PTPRN2: variants seen among roughly 807,000 people sequenced by gnomAD.
PTPRN2 encodes receptor-type tyrosine-protein phosphatase N2.
Under a neutral mutation model 118.8 loss-of-function variants are expected in PTPRN2, and 74 were observed. That is an observed-to-expected ratio of 0.62 (90% CI 0.52 to 0.76). The LOEUF is 0.76. Ranked by LOEUF, PTPRN2 falls within the 30% of genes least tolerant of loss-of-function variation. The pLI, the probability that PTPRN2 is intolerant of heterozygous loss-of-function variation, is 0.00. For synonymous variants in PTPRN2, 641 were observed against 608.0 expected (o/e 1.05, Z -0.80); for missense variants, 1,481 against 1,394.4 (o/e 1.06, Z -0.99).
chr7:158,286,342 T>A (rs1206590651), intron 3 of PTPRN2, among the ~76,000 whole-genome samples: 1 of 152,244 alleles, frequency 6.6e-6, no homozygotes, highest in Non-Finnish European at 1.5e-5. Context: ...ATGCCTTTTG[T>A]TTCTTCCTTT....
At chr7:158,486,710 G>A (rs1319433930) in intron 2 of PTPRN2, among the ~76,000 whole-genome samples, 2 of 152,180 alleles carry the variant, frequency 1.3e-5, no homozygotes, top group Non-Finnish European at 2.9e-5. Flanking sequence ...TGAAGCATTC[G>A]ATTACGTTAA....
chr7:158,205,851 A>T (rs557722017), intron 3 of PTPRN2, among the ~76,000 whole-genome samples: 4 of 152,004 alleles, frequency 2.6e-5, no homozygotes, highest in East Asian at 3.9e-4. Context: ...AACAGGCAAA[A>T]CTCAACCAGA....
At chr7:158,119,614 GGA>G (rs56827191) in intron 9 of PTPRN2, among the ~76,000 whole-genome samples, 14 of 146,956 alleles carry the variant, frequency 9.5e-5, no homozygotes, top group South Asian at 4.3e-4. Flanking sequence ...TTTGAAAGAG[GGA>G]GAGAGAGAGA....
At chr7:158,196,352 T>A (rs1745515082) in intron 4 of PTPRN2, among the ~76,000 whole-genome samples, 1 of 152,200 alleles carries the variant, frequency 6.6e-6, no homozygotes, top group South Asian at 2.1e-4. Context: ...AGCACCACTG[T>A]CCCTGAGGCA....
At chr7:157,922,199 G>T (rs796249825) in intron 11 of PTPRN2, among the ~76,000 whole-genome samples, 2 of 152,222 alleles carry the variant, frequency 1.3e-5, no homozygotes, top group African/African-American at 4.8e-5. Context: ...ATTTTGAAGA[G>T]AGATGATTAT....
intron 2 of PTPRN2, among the ~76,000 whole-genome samples, chr7:158,484,110 C>T (rs1047989754): frequency 3.9e-5 from 6 of 152,302 alleles, no homozygotes; most frequent in South Asian, 2.1e-4. Context: ...CACCACTGCA[C>T]GCCAACCTTG....
intron 12 of PTPRN2, among the ~76,000 whole-genome samples, chr7:157,827,674 T>A (rs1351872712): frequency 6.6e-6 from 1 of 152,206 alleles, no homozygotes; most frequent in Non-Finnish European, 1.5e-5. Context: ...TCTGCAGATG[T>A]TCCTTGAGCG....
intron 12 of PTPRN2, among the ~76,000 whole-genome samples, chr7:157,747,170 C>T (rs1387130008): frequency 9.7e-5 from 10 of 103,334 alleles, no homozygotes; most frequent in East Asian, 7.1e-4. Context: ...GGCCTGCGTC[C>T]CTGAGCTGTG....
intron 2 of PTPRN2, among the ~76,000 whole-genome samples, chr7:158,340,364 A>G (rs1175540530): frequency 3.0e-5 from 3 of 99,944 alleles, no homozygotes; most frequent in African/African-American, 1.1e-4. Flanking sequence ...AGGCCCACAG[A>G]GGTCACTCAC....
chr7:157,589,440 A>C lies in PTPRN2; in HGVS notation c.2496+5798T>G, dbSNP rs906502230. ...GTGGGAGGCGTCTTTGCAGATTAAA[A>C]TACACTTTCTAGAGAAAGGCTTTCT... On this transcript the variant is annotated intron_variant, in intron 17 of 22. Coordinates refer to ENST00000389418, the MANE Select transcript of PTPRN2 (RefSeq NM_002847.5). Among the ~76,000 whole-genome samples, 10 of 152,310 alleles carry C rather than the reference A, an allele frequency of 6.6e-5. 1 individual carries two copies. The South Asian group carries it at 2.1e-3, about 32-fold the overall frequency.
chr7:157,551,779 G>T (rs1317414313), intron 21 of PTPRN2, among the ~76,000 whole-genome samples: 2 of 132,534 alleles, frequency 1.5e-5, no homozygotes, highest in Non-Finnish European at 3.2e-5. Context: ...GCACCCCACA[G>T]CCAGCACGCA....
At chr7:158,240,889 T>G (rs1169341274) in intron 3 of PTPRN2, among the ~76,000 whole-genome samples, 1 of 152,254 alleles carries the variant, frequency 6.6e-6, no homozygotes, top group Non-Finnish European at 1.5e-5. Context: ...TCAAACTGTT[T>G]GTGGACAGGA....
intron 2 of PTPRN2, among the ~76,000 whole-genome samples, chr7:158,329,948 A>C (rs71544556): frequency 0.4 from 59,983 of 151,608 alleles, 12,099 homozygotes; most frequent in Middle Eastern, 0.47. Context: ...AACTCACAAA[A>C]TCCTCAGGTC....
intron 10 of PTPRN2, among the ~76,000 whole-genome samples, chr7:158,083,398 C>G (rs1812993431): frequency 6.6e-6 from 1 of 152,190 alleles, no homozygotes. Flanking sequence ...GGGCTTCAAG[C>G]TTACACACGG....
chr7:158,333,947 C>T (rs1206513674), intron 2 of PTPRN2, among the ~76,000 whole-genome samples: 3,375 of 38,598 alleles, frequency 0.087, 8 homozygotes, highest in Non-Finnish European at 0.11. Context: ...AGCTGTCGCC[C>T]GCAGAGGTCA....
At position 158,071,372 on chromosome 7, in the gene PTPRN2, G is replaced by A. The variant is rs111162920; in HGVS notation, c.1723+9926C>T. On this transcript the variant is annotated intron_variant, in intron 11 of 22. Transcript: ENST00000389418. ...TCGTGGTGGTGGAGGTGCTCATGGT[G>A]GTGGAGGTGCTCGTGGTGGAGGTGC... Among the ~76,000 whole-genome samples the A allele has an allele frequency of 6.3e-4, 72 of 115,190 alleles. 1 individual carries two copies. The highest frequency in any genetic ancestry group is 9.8e-4 in the South Asian group (3 of 3,076). The allele number at this position is 115,190 out of a possible 152,430, so 75.6% of individuals were successfully genotyped here.
At chr7:158,019,821 C>T (rs777287209) in intron 11 of PTPRN2, among the ~76,000 whole-genome samples, 1 of 152,230 alleles carries the variant, frequency 6.6e-6, no homozygotes, top group Non-Finnish European at 1.5e-5. Flanking sequence ...GGTCTTGAGG[C>T]CACAGCTCGG....
chr7:157,973,734 T>C (rs756218319), intron 11 of PTPRN2, among the ~76,000 whole-genome samples: 3 of 152,230 alleles, frequency 2.0e-5, no homozygotes, highest in Non-Finnish European at 2.9e-5. Context: ...ATCTGTACTA[T>C]TTTTTGTAAT....
At chr7:158,465,381 T>A (rs1168745905) in intron 2 of PTPRN2, among the ~76,000 whole-genome samples, 1 of 152,206 alleles carries the variant, frequency 6.6e-6, no homozygotes, top group Non-Finnish European at 1.5e-5. Context: ...ACTCCCTTAC[T>A]GTATCTCCTG....
Sources: allele counts gnomAD v4.1 joint callset (sites outside exome capture counted in the v4.1 genomes callset), GRCh38; gene constraint gnomAD v4.1.1; transcripts MANE v1.5; gene names NCBI Gene and HGNC (gene_info 2026-07-23, HGNC 2026-07-21).